ADGRV1: variants seen among roughly 807,000 people sequenced by gnomAD.
The protein encoded by ADGRV1 is adhesion G protein-coupled receptor V1.
In ADGRV1, 359 loss-of-function variants were observed where a neutral mutation model predicts 596.2. The ratio of observed to expected loss-of-function variants is 0.60; its 90% confidence interval spans 0.55 to 0.66. The LOEUF is 0.66. Among genes scored for constraint, ADGRV1 ranks in the 30% least tolerant of loss-of-function variants. ADGRV1 has a pLI of 0.00. For synonymous variants in ADGRV1, 2,681 were observed against 2,679.2 expected (o/e 1.00, Z -0.02); for missense variants, 7,274 against 7,575.6 (o/e 0.96, Z 1.48).
intron 82 of ADGRV1, among the ~76,000 whole-genome samples, chr5:90,858,455 C>T (rs978616849): frequency 6.6e-6 from 1 of 152,044 alleles, no homozygotes; most frequent in Non-Finnish European, 1.5e-5. Context: ...ACTCTGAATA[C>T]AAGTCTTATA....
rs190891350 is a variant in ADGRV1 at position 90,843,312 on chromosome 5, C to G, written c.17019+2327C>G. Among the ~76,000 whole-genome samples the G allele has an allele frequency of 1.5e-3, 233 of 152,176 alleles. 5 individuals are homozygous for G. The highest frequency in any genetic ancestry group is 0.012 in the Admixed American group (186 of 15,296). On this transcript the variant is annotated intron_variant, in intron 78 of 89. Coordinates refer to ENST00000405460, the MANE Select transcript of ADGRV1 (RefSeq NM_032119.4). ...GTGATTAAAGGGGCACCGGTGCAGA[C>G]ATAAACATTCACATCAATGGAATAG... is the stretch of plus-strand genomic sequence containing the variant.
chr5:90,720,883 T>C, intron 44 of ADGRV1, 52 bp from the exon 45 acceptor site: 1 of 1,488,838 alleles, frequency 6.7e-7, no homozygotes, highest in Non-Finnish European at 9.1e-7. Context: ...ATATTTCAAA[T>C]ATGTAGAATG....
At chr5:91,087,861 GC>G (rs1790029557) in intron 86 of ADGRV1, among the ~76,000 whole-genome samples, 1 of 152,158 alleles carries the variant, frequency 6.6e-6, no homozygotes, top group South Asian at 2.1e-4. Context: ...CCCTCAAGTA[GC>G]CTGGTTCCAG....
chr5:90,725,013 G>C, intron 46 of ADGRV1, 24 bp downstream of exon 46: 1 of 1,561,532 alleles, frequency 6.4e-7, no homozygotes, highest in South Asian at 1.2e-5. Context: ...TTTTTTTATA[G>C]TACAAAAATA....
chr5:90,731,606 G>A (rs1752554841), intron 50 of ADGRV1, among the ~76,000 whole-genome samples: 1 of 152,180 alleles, frequency 6.6e-6, no homozygotes, highest in African/African-American at 2.4e-5. Context: ...TAGCATTGAG[G>A]CCACCATTGG....
intron 1 of ADGRV1, among the ~76,000 whole-genome samples, chr5:90,605,070 T>C (rs1467677699): frequency 6.6e-6 from 1 of 151,828 alleles, no homozygotes. Context: ...CAAACGGGAG[T>C]ACATGAGCTC....
At chr5:90,846,685 A>G (rs1765911804) in intron 78 of ADGRV1, 1 of 152,754 alleles carries the variant, frequency 6.5e-6, no homozygotes, top group African/African-American at 2.4e-5. Flanking sequence ...TGTGGACCCA[A>G]AGAGTGAGCA....
intron 84 of ADGRV1, among the ~76,000 whole-genome samples, chr5:90,972,867 G>C (rs548666274): frequency 6.6e-6 from 1 of 151,712 alleles, no homozygotes; most frequent in South Asian, 2.1e-4. Context: ...AGAAATGAAG[G>C]AGATAGAGAC....
At chr5:90,764,111 C>T (rs899431645) in intron 59 of ADGRV1, among the ~76,000 whole-genome samples, 16 of 152,142 alleles carry the variant, frequency 1.1e-4, no homozygotes, top group African/African-American at 3.9e-4. Flanking sequence ...ACTTCTAGTC[C>T]TGAGCCAGCA....
At chr5:90,889,046 A>T (rs1260859963) in intron 83 of ADGRV1, among the ~76,000 whole-genome samples, 1 of 152,132 alleles carries the variant, frequency 6.6e-6, no homozygotes, top group African/African-American at 2.4e-5. Flanking sequence ...TGTTGGAAAG[A>T]AATCATAGCA....
At position 90,705,942 on chromosome 5, in the gene ADGRV1, G is replaced by C. The variant is rs764212; in HGVS notation, c.8567-289G>C. On this transcript the variant is annotated intron_variant, in intron 37 of 89. Transcript: ENST00000405460. The stretch of plus-strand genomic sequence containing the variant: ...CAAGTGAAAATGTGTAAGGCCCCCT[G>C]AGGTCTAGGGTTAGAACCAGCACAT... Among the ~76,000 whole-genome samples, 8,970 of 152,198 alleles carry C rather than the reference G, an allele frequency of 0.059. 353 individuals carry two copies. Among genetic ancestry groups the C allele is most frequent in the South Asian group, 0.13 (634 of 4,824 alleles).
chr5:90,605,849 G>A (rs1320679053), intron 1 of ADGRV1, among the ~76,000 whole-genome samples: 3 of 152,006 alleles, frequency 2.0e-5, no homozygotes, highest in Non-Finnish European at 2.9e-5. Context: ...ACATCCTACC[G>A]GGAAATAAAG....
rs780246479 is a variant in ADGRV1 at position 90,745,778 on chromosome 5, A to C, written c.10957A>C (p.Ile3653Leu). The C allele has an allele frequency of 4.4e-6, 7 of 1,601,950 alleles. No homozygotes were observed. In the African/African-American group the frequency reaches 9.4e-5, roughly 21 times the overall value. ...TCTGTCTAATGATGATGCCTATGGA[A>C]TTGTTGCATTTGCTCAGGTAATGAT... is the stretch of plus-strand genomic sequence containing the variant. ...TILSNDDAYG[I>L]VAFAQNSLYK... Residue 3653 changes from isoleucine to leucine, a missense_variant, in exon 52 of 90, where the codon ATT (isoleucine) becomes CTT (leucine). Transcript: ENST00000405460.
intron 89 of ADGRV1, among the ~76,000 whole-genome samples, chr5:91,154,952 A>G (rs777221329): frequency 1.1e-4 from 16 of 152,226 alleles, no homozygotes; most frequent in Non-Finnish European, 2.2e-4. Context: ...ATTGAATTAT[A>G]CAATTACAAT....
intron 87 of ADGRV1, among the ~76,000 whole-genome samples, chr5:91,127,818 G>A (rs573780398): frequency 2.6e-5 from 4 of 152,234 alleles, no homozygotes; most frequent in South Asian, 2.1e-4. Context: ...CAACAGACCA[G>A]CAGTGCTGTT....
At chr5:90,808,785 A>T (rs1230490301) in intron 73 of ADGRV1, among the ~76,000 whole-genome samples, 1 of 152,020 alleles carries the variant, frequency 6.6e-6, no homozygotes, top group East Asian at 2.0e-4. Flanking sequence ...AGTCCCAGCT[A>T]CTTGGGAGGC....
chr5:90,561,195 A>C (rs1754789167), intron 1 of ADGRV1, among the ~76,000 whole-genome samples: 1 of 152,174 alleles, frequency 6.6e-6, no homozygotes, highest in South Asian at 2.1e-4. Context: ...CCCACAAAAA[A>C]ATACTTTTTA....
chr5:90,713,985 T>G (rs1264055518), intron 42 of ADGRV1, among the ~76,000 whole-genome samples: 1 of 152,180 alleles, frequency 6.6e-6, no homozygotes, highest in Non-Finnish European at 1.5e-5. Flanking sequence ...CAAACCCTTA[T>G]AAAGTTTCAA....
At position 90,697,103 on chromosome 5, in the gene ADGRV1, T is replaced by C. The variant is rs1352294828; in HGVS notation, c.8112T>C (p.Ile2704=). 9 of 1,613,304 alleles carry C rather than the reference T, an allele frequency of 5.6e-6. No individual in the cohort carries two copies. The highest frequency in any genetic ancestry group is 7.6e-6 in the Non-Finnish European group (9 of 1,179,436). ...NILANDNVAG[I]VSFQTASRSV... is the part of the protein sequence containing the mutation. The stretch of plus-strand genomic sequence containing the variant: ...TGGCCAATGACAATGTGGCAGGAAT[T>C]GTTAGCTTTCAGACAGCTTCCAGAT... Residue 2704 remains isoleucine (I), a synonymous_variant, in exon 34 of 90, where the codon ATT becomes ATC. Coordinates refer to ENST00000405460, the MANE Select transcript of ADGRV1 (RefSeq NM_032119.4).
Sources: allele counts gnomAD v4.1 joint callset (sites outside exome capture counted in the v4.1 genomes callset), GRCh38; gene constraint gnomAD v4.1.1; transcripts MANE v1.5; gene names NCBI Gene and HGNC (gene_info 2026-07-23, HGNC 2026-07-21).